TMCC3: variants seen among roughly 807,000 people sequenced by gnomAD.
TMCC3 encodes transmembrane and coiled-coil domain family 3.
In TMCC3, 28 loss-of-function variants were observed where a neutral mutation model predicts 40.2. The observed-to-expected ratio is 0.70, with a 90% CI of 0.52 to 0.95. The LOEUF (loss-of-function observed/expected upper bound fraction) is 0.95. Ranked by LOEUF, TMCC3 falls within the 40% of genes least tolerant of loss-of-function variation. The probability of loss-of-function intolerance (pLI) is 0.00; values close to 1 mark genes in which losing one functional copy is unlikely to be tolerated. For missense variants in TMCC3, 554 were observed against 615.2 expected (o/e 0.90, Z 1.05); for synonymous variants, 255 against 248.5 (o/e 1.03, Z -0.25).
At chr12:94,575,490 G>A (rs12823286) in intron 3 of TMCC3, among the ~76,000 whole-genome samples, 2,938 of 152,258 alleles carry the variant, frequency 0.019, 64 homozygotes, top group East Asian at 0.13. Context: ...CATAGGTGAG[G>A]AGGGCCAGGA....
intron 1 of TMCC3, among the ~76,000 whole-genome samples, chr12:94,624,037 C>T (rs1472069973): frequency 6.6e-6 from 1 of 152,208 alleles, no homozygotes; most frequent in African/African-American, 2.4e-5. Context: ...ATAACAACTG[C>T]TTTCATTAAA....
At chr12:94,615,960 C>A in intron 1 of TMCC3, 3 of 985,484 alleles carry the variant, frequency 3.0e-6, no homozygotes, top group Non-Finnish European at 3.6e-6. Context: ...AGAGCAGGAT[C>A]GGCAGCTAGC....
chr12:94,646,732 C>A (rs781666275), intron 1 of TMCC3, among the ~76,000 whole-genome samples: 1 of 91,364 alleles, frequency 1.1e-5, no homozygotes, highest in Non-Finnish European at 2.3e-5. Flanking sequence ...AGCCACCGTG[C>A]CTGGCTTTTT....
At chr12:94,613,968 G>T (rs538806224) in intron 1 of TMCC3, 1 of 151,928 alleles carries the variant, frequency 6.6e-6, no homozygotes, top group Non-Finnish European at 1.5e-5. Flanking sequence ...GGTGGTGGGT[G>T]CCTGTGGTCC....
intron 1 of TMCC3, among the ~76,000 whole-genome samples, chr12:94,644,999 C>A (rs2069010329): frequency 6.6e-6 from 1 of 152,186 alleles, no homozygotes; most frequent in African/African-American, 2.4e-5. Flanking sequence ...CATGTATTAT[C>A]ATCATGTTCT....
intron 1 of TMCC3, among the ~76,000 whole-genome samples, chr12:94,646,431 CTTTTTTTTTTT>C (rs34398994): frequency 3.3e-5 from 3 of 90,730 alleles, no homozygotes; most frequent in Non-Finnish European, 6.1e-5. Flanking sequence ...AAGCACACAC[CTTTTTTTTTTT>C]TTTTTTTTTT....
chr12:94,575,027 G>A (rs2068555522), intron 3 of TMCC3, among the ~76,000 whole-genome samples: 1 of 152,100 alleles, frequency 6.6e-6, no homozygotes, highest in Non-Finnish European at 1.5e-5. Context: ...ACTTCCTTGG[G>A]TCCAGTAATT....
intron 1 of TMCC3, among the ~76,000 whole-genome samples, chr12:94,596,162 G>A (rs2068713852): frequency 6.6e-6 from 1 of 152,196 alleles, no homozygotes; most frequent in African/African-American, 2.4e-5. Flanking sequence ...CCATCCTGAT[G>A]TTTTGAGTAC....
At chr12:94,589,426 C>G (rs1178206015) in intron 1 of TMCC3, among the ~76,000 whole-genome samples, 1 of 152,186 alleles carries the variant, frequency 6.6e-6, no homozygotes, top group Non-Finnish European at 1.5e-5. Flanking sequence ...TGGACGTTCT[C>G]TAAAAGACAG....
At chr12:94,650,163 C>T (rs1474654524) in intron 1 of TMCC3, among the ~76,000 whole-genome samples, 190 bp downstream of exon 1, 1 of 152,106 alleles carries the variant, frequency 6.6e-6, no homozygotes, top group Non-Finnish European at 1.5e-5. Context: ...CCCAGAACCG[C>T]AGCCTGGGCT....
intron 1 of TMCC3, among the ~76,000 whole-genome samples, chr12:94,646,753 TA>T (rs1555286789): frequency 2.6e-4 from 28 of 106,908 alleles, no homozygotes; most frequent in African/African-American, 5.7e-4. Flanking sequence ...TTTTTTTTTT[TA>T]AAAAACAAAT....
rs1034354029 is a variant in TMCC3, at chr12:94,609,576, A to G, written c.79-27038T>C. ...TCTTGAACACAGCAGGCACTCAACT[A>G]TCTTACCTGAGTGATTTTGCTATTT... On this transcript the variant is annotated intron_variant, in intron 1 of 3. Coordinates refer to ENST00000261226, the MANE Select transcript of TMCC3 (RefSeq NM_020698.4). 3.3e-5 allele frequency among the ~76,000 whole-genome samples: 5 copies of G among 152,322 alleles called. No homozygotes were observed. In the East Asian group the frequency reaches 5.8e-4, roughly 18 times the overall value.
At chr12:94,612,359 G>A (rs1270515749) in intron 1 of TMCC3, among the ~76,000 whole-genome samples, 1 of 151,992 alleles carries the variant, frequency 6.6e-6, no homozygotes, top group East Asian at 1.9e-4. Context: ...TCACCAGGCT[G>A]GAGTGCAGTG....
chr12:94,594,232 C>CACACACACAGAG (rs1446763750), intron 1 of TMCC3, among the ~76,000 whole-genome samples: 2 of 147,922 alleles, frequency 1.4e-5, no homozygotes, highest in African/African-American at 5.2e-5. Context: ...CACACACACA[C>CACACACACAGAG]AGAGTGAGAG....
intron 1 of TMCC3, among the ~76,000 whole-genome samples, chr12:94,610,634 C>G (rs1046306092): frequency 6.6e-6 from 1 of 152,136 alleles, no homozygotes; most frequent in East Asian, 1.9e-4. Context: ...CAATAGAGAA[C>G]CTCTTTTTAA....
At chr12:94,620,980 A>G (rs2068873084) in intron 1 of TMCC3, among the ~76,000 whole-genome samples, 1 of 152,158 alleles carries the variant, frequency 6.6e-6, no homozygotes. Context: ...TAAACCTTAA[A>G]AAGAACACAA....
chr12:94,622,299 G>A (rs984861771), intron 1 of TMCC3, among the ~76,000 whole-genome samples: 4 of 152,102 alleles, frequency 2.6e-5, no homozygotes, highest in Admixed American at 6.5e-5. Flanking sequence ...GAGTTCAATC[G>A]AGATATAATT....
At chr12:94,637,755 C>T (rs1357914299) in intron 1 of TMCC3, among the ~76,000 whole-genome samples, 2 of 152,128 alleles carry the variant, frequency 1.3e-5, no homozygotes, top group Non-Finnish European at 2.9e-5. Flanking sequence ...ATGGTATAGC[C>T]ATACATGGGG....
intron 1 of TMCC3, chr12:94,616,146 AG>A: frequency 1.0e-6 from 1 of 959,708 alleles, no homozygotes; most frequent in Non-Finnish European, 1.2e-6. Flanking sequence ...TACAAATGTC[AG>A]TAATAATGCA....
Sources: gnomAD v4.1 joint callset for allele counts (sites outside exome capture counted in the v4.1 genomes callset) on GRCh38, gnomAD v4.1.1 for gene constraint, MANE v1.5 for transcripts, NCBI Gene and HGNC (gene_info 2026-07-23, HGNC 2026-07-21) for gene names.